Variants in ZNF507 observed in about 807,000 individuals in gnomAD.
The protein encoded by ZNF507 is zinc finger protein 507.
In ZNF507, 29 loss-of-function variants were observed where a neutral mutation model predicts 80.0. The observed-to-expected ratio is 0.36, with a 90% CI of 0.27 to 0.49. The LOEUF (loss-of-function observed/expected upper bound fraction) is 0.49, where lower values mean the gene tolerates loss of function less well. Ranked by LOEUF, ZNF507 falls within the 20% of genes least tolerant of loss-of-function variation. ZNF507 has a pLI of 0.98. For missense variants in ZNF507, 1,081 were observed against 1,152.2 expected (o/e 0.94, Z 0.90); for synonymous variants, 462 against 422.5 (o/e 1.09, Z -1.15).
intron 5 of ZNF507, among the ~76,000 whole-genome samples, chr19:32,372,141 A>G (rs1484855097): frequency 1.3e-5 from 2 of 152,238 alleles, no homozygotes; most frequent in African/African-American, 4.8e-5. Flanking sequence ...TTGAAAATGC[A>G]TAATTTTTAA....
At chr19:32,370,734 T>G in intron 5 of ZNF507, among the ~76,000 whole-genome samples, 1 of 152,246 alleles carries the variant, frequency 6.6e-6, no homozygotes, top group Non-Finnish European at 1.5e-5. Context: ...GTTTTTTGGT[T>G]TGATGTTGTC....
chr19:32,376,499 C>G (rs1967548527), intron 5 of ZNF507, among the ~76,000 whole-genome samples: 1 of 152,148 alleles, frequency 6.6e-6, no homozygotes, highest in Admixed American at 6.5e-5. Context: ...AGAAACAAAA[C>G]TTGAGGTGTG....
At chr19:32,365,386 G>A (rs781271770) in intron 5 of ZNF507, among the ~76,000 whole-genome samples, 6 of 152,128 alleles carry the variant, frequency 3.9e-5, no homozygotes, top group Admixed American at 1.3e-4. Flanking sequence ...TGCTTTTGGG[G>A]TTTTGGTCAT....
chr19:32,352,448 T>C (rs1395461236), intron 2 of ZNF507, among the ~76,000 whole-genome samples: 1 of 151,134 alleles, frequency 6.6e-6, no homozygotes, highest in African/African-American at 2.4e-5. Context: ...AGAATGGCTG[T>C]GCTCCTTTAA....
At chr19:32,355,171 C>T (rs549068436) in intron 3 of ZNF507, among the ~76,000 whole-genome samples, 19 of 152,258 alleles carry the variant, frequency 1.2e-4, no homozygotes, top group African/African-American at 4.3e-4. Flanking sequence ...TGCCTGCTGC[C>T]TCCTTGACAG....
Position 32,383,336 on chromosome 19 carries a change from C to T in ZNF507, c.*253C>T, listed in dbSNP as rs1031202882. 1.1e-5 allele frequency: 5 copies of T among 436,672 alleles called. No homozygotes were observed. The highest frequency in any genetic ancestry group is 2.0e-5 in the African/African-American group (1 of 50,408). 27.0% of individuals were successfully genotyped at this position (436,672 alleles called of 1,614,324 possible). On this transcript the variant is annotated 3_prime_UTR_variant, in exon 7 of 7. Transcript: ENST00000355898. ...GTAGAGGTGTAATCCTGTATTAACCCTCTGTCACCCCTTCTTAGTGTCGAG... is the reference window on the plus strand; with the variant it reads ...GTAGAGGTGTAATCCTGTATTAACCTTCTGTCACCCCTTCTTAGTGTCGAG...
At position 32,354,244 on chromosome 19, in the gene ZNF507, C is replaced by T. The variant is rs1191023037; in HGVS notation, c.1414C>T (p.Leu472=). ...AAAAGACGAGTTAATGAATAAAGGCCTGGCTACTGATGAGAATGCCCCACC... is the reference window on the plus strand; with the variant it reads ...AAAAGACGAGTTAATGAATAAAGGCTTGGCTACTGATGAGAATGCCCCACC... ...EKKDELMNKG[L]ATDENAPPGR... The change falls in exon 3 of 7, where the codon CTG becomes TTG. Residue 472 remains leucine, a synonymous_variant. Coordinates refer to ENST00000355898, the MANE Select transcript of ZNF507 (RefSeq NM_001136156.2). 6.2e-7 allele frequency: 1 copy of T among 1,614,110 alleles called. No individual in the cohort carries two copies. Among genetic ancestry groups the T allele is most frequent in the African/African-American group, 1.3e-5 (1 of 75,010 alleles).
At chr19:32,373,631 A>G (rs867508492) in intron 5 of ZNF507, among the ~76,000 whole-genome samples, 2 of 152,324 alleles carry the variant, frequency 1.3e-5, no homozygotes, top group East Asian at 1.9e-4. Flanking sequence ...CAGGAACTAC[A>G]TACCTCGTCA....
chr19:32,383,178 AGTC>A lies in ZNF507; in HGVS notation c.*98_*100del. On this transcript the variant is annotated 3_prime_UTR_variant, in exon 7 of 7. Coordinates refer to ENST00000355898, the MANE Select transcript of ZNF507 (RefSeq NM_001136156.2). The stretch of plus-strand genomic sequence containing the variant: ...TCAGACAACTTCCTGCCACAGAAGA[AGTC>A]GTTGATGTGATTTTTGAGGAAATGA... 6.8e-7 allele frequency: 1 copy of A among 1,475,454 alleles called. No individual in the cohort carries two copies. Among genetic ancestry groups the A allele is most frequent in the African/African-American group, 1.4e-5 (1 of 70,518 alleles). The allele number at this position is 1,475,454 out of a possible 1,614,324, so 91.4% of individuals were successfully genotyped here.
rs1165659552 is a variant in ZNF507 at position 32,382,490 on chromosome 19, G to T, written c.2384G>T (p.Cys795Phe). Residue 795 changes from cysteine to phenylalanine, a missense_variant, in exon 6 of 7, where the codon TGT becomes TTT. Around this residue, in one of 6 missense-constraint regions of ZNF507, gnomAD observed 11 missense variants for 37.1 expected, o/e 0.30. Coordinates refer to ENST00000355898, the MANE Select transcript of ZNF507 (RefSeq NM_001136156.2). ...AGATGCTCTCTGTGTGGGTATGTGT[G>T]TAGCCATCCTCCTTCTTTGAAGTCT... ...PYRCSLCGYV[C>F]SHPPSLKSHM... 1 of 1,614,158 alleles carries T rather than the reference G, an allele frequency of 6.2e-7. No individual in the cohort carries two copies. Among genetic ancestry groups the T allele is most frequent in the East Asian group, 2.2e-5 (1 of 44,882 alleles).
intron 5 of ZNF507, among the ~76,000 whole-genome samples, chr19:32,363,763 C>T (rs1967360977): frequency 6.6e-6 from 1 of 152,136 alleles, no homozygotes; most frequent in Admixed American, 6.5e-5. Flanking sequence ...AGGCTGATGA[C>T]CTCTAAACAC....
chr19:32,354,547 G>C lies in ZNF507; in HGVS notation c.1717G>C (p.Glu573Gln). 1 of 1,614,204 alleles carries C rather than the reference G, an allele frequency of 6.2e-7. No individual in the cohort carries two copies. Among genetic ancestry groups the C allele is most frequent in the South Asian group, 1.1e-5 (1 of 91,078 alleles). ...TLVALPEGRQELSDGQVKTGI... is the reference protein window; with the variant it reads ...TLVALPEGRQQLSDGQVKTGI... ...GGTAGCACTCCCAGAGGGTAGGCAG[G>C]AATTGTCAGATGGGCAGGTTAAGAC... The change falls in exon 3 of 7, where the codon GAA (glutamate) becomes CAA (glutamine). Residue 573 changes from glutamate (E) to glutamine (Q), a missense_variant. Coordinates refer to ENST00000355898, the MANE Select transcript of ZNF507 (RefSeq NM_001136156.2).
chr19:32,360,705 T>A (rs1967311063), intron 5 of ZNF507, 87 bp downstream of exon 5: 1 of 643,752 alleles, frequency 1.6e-6, no homozygotes, highest in African/African-American at 1.9e-5. Context: ...GTATAGCACT[T>A]ACTGAAACAC....
intron 5 of ZNF507, among the ~76,000 whole-genome samples, chr19:32,361,695 CCTTCCTTTCCTTCCTTCCTTT>C (rs1243668556): frequency 3.1e-5 from 3 of 96,198 alleles, no homozygotes; most frequent in Non-Finnish European, 7.1e-5. Flanking sequence ...TCCTTCCTTT[CCTTCCTTTCCTTCCTTCCTTT>C]CCTTTCTTCC....
chr19:32,346,097 T>C (rs1238476424), intron 1 of ZNF507, among the ~76,000 whole-genome samples: 1 of 152,222 alleles, frequency 6.6e-6, no homozygotes, highest in Non-Finnish European at 1.5e-5. Context: ...GTGAGATCGC[T>C]TAGGCCAGCC....
intron 3 of ZNF507, 74 bp from the exon 4 acceptor site, chr19:32,356,542 C>T (rs1599548513): frequency 9.7e-7 from 1 of 1,032,054 alleles, no homozygotes; most frequent in Non-Finnish European, 1.5e-6. Context: ...AGCAATGAAC[C>T]TGTTCTTCTA....
chr19:32,352,523 T>C (rs570883351), intron 2 of ZNF507, among the ~76,000 whole-genome samples: 83 of 150,722 alleles, frequency 5.5e-4, no homozygotes, highest in African/African-American at 1.9e-3. Context: ...GTACTTTTGG[T>C]CCTGCTGGAT....
At chr19:32,365,613 C>T (rs905216256) in intron 5 of ZNF507, among the ~76,000 whole-genome samples, 2 of 149,970 alleles carry the variant, frequency 1.3e-5, no homozygotes, top group African/African-American at 2.4e-5. Context: ...TGGTTTAGTT[C>T]AATATTGCAC....
At chr19:32,363,961 T>C (rs1168832013) in intron 5 of ZNF507, among the ~76,000 whole-genome samples, 1 of 152,224 alleles carries the variant, frequency 6.6e-6, no homozygotes, top group Non-Finnish European at 1.5e-5. Context: ...TGTGCCCCAC[T>C]GGGGACCTTG....
Sources: allele counts gnomAD v4.1 joint callset (sites outside exome capture counted in the v4.1 genomes callset), GRCh38; gene constraint gnomAD v4.1.1; regional missense constraint gnomAD v4.1.1; transcripts MANE v1.5; gene names NCBI Gene and HGNC (gene_info 2026-07-23, HGNC 2026-07-21).